Variants in IL16 observed in about 807,000 individuals in gnomAD.
IL16 encodes the protein pro-interleukin-16.
A neutral mutation model predicts 110.1 loss-of-function variants in IL16; 67 were observed. That is an observed-to-expected ratio of 0.61 (90% confidence interval 0.50 to 0.75). The LOEUF (loss-of-function observed/expected upper bound fraction) is 0.75, where lower values mean the gene tolerates loss of function less well. IL16 is among the 30% of genes least tolerant of loss of function. IL16 has a pLI of 0.00. For missense variants in IL16, 1,545 were observed against 1,655.0 expected (o/e 0.93, Z 1.15); for synonymous variants, 689 against 662.9 (o/e 1.04, Z -0.61).
intron 1 of IL16, among the ~76,000 whole-genome samples, chr15:81,221,358 T>A (rs893189192): frequency 6.6e-6 from 1 of 151,936 alleles, no homozygotes; most frequent in Non-Finnish European, 1.5e-5. Context: ...CTGGCAAGAG[T>A]TTGACAAGTC....
intron 2 of IL16, among the ~76,000 whole-genome samples, chr15:81,249,440 T>C (rs1015235838): frequency 6.6e-6 from 1 of 152,186 alleles, no homozygotes; most frequent in African/African-American, 2.4e-5. Context: ...AGACCTTTAT[T>C]TTACTCATTT....
chr15:81,186,330 C>T (rs572245361), intron 1 of IL16, among the ~76,000 whole-genome samples: 1 of 152,280 alleles, frequency 6.6e-6, no homozygotes, highest in East Asian at 1.9e-4. Context: ...TGAACCAAAA[C>T]AAGACACAGG....
intron 12 of IL16, among the ~76,000 whole-genome samples, chr15:81,294,019 G>A (rs187486077): frequency 2.2e-4 from 33 of 152,188 alleles, no homozygotes; most frequent in African/African-American, 7.5e-4. Flanking sequence ...CCCCCATCAC[G>A]GAATGGCCCT....
intron 2 of IL16, among the ~76,000 whole-genome samples, chr15:81,232,602 T>C (rs1897047520): frequency 6.6e-6 from 1 of 152,212 alleles, no homozygotes; most frequent in African/African-American, 2.4e-5. Flanking sequence ...TTTTCCTGCA[T>C]TTATTGAGAT....
intron 2 of IL16, among the ~76,000 whole-genome samples, chr15:81,239,273 G>A (rs956616534): frequency 6.6e-6 from 1 of 152,126 alleles, no homozygotes; most frequent in Non-Finnish European, 1.5e-5. Flanking sequence ...CTCTGTTTAG[G>A]ATTAGCATGT....
intron 13 of IL16, among the ~76,000 whole-genome samples, chr15:81,298,403 C>G (rs1051718828): frequency 2.0e-5 from 3 of 152,182 alleles, no homozygotes; most frequent in Non-Finnish European, 2.9e-5. Flanking sequence ...GCCAGGACAC[C>G]CTCTCCCTTA....
Position 81,303,512 on chromosome 15 carries a change from A to G in IL16, c.3319-37A>G, listed in dbSNP as rs1900398353. The G allele has an allele frequency of 2.3e-6, 3 of 1,326,068 alleles. No homozygotes were observed. Among genetic ancestry groups the G allele is most frequent in the African/African-American group, 1.4e-5 (1 of 69,566 alleles). The allele number at this position is 1,326,068 out of a possible 1,614,324, so 82.1% of individuals were successfully genotyped here. On this transcript the variant is annotated intron_variant, in intron 15 of 18. Coordinates refer to ENST00000683961, the MANE Select transcript of IL16 (RefSeq NM_172217.5). This position sits in a 1 kb window ranked among gnomAD's most constrained non-coding sequence, Gnocchi z 4.1. ...GATGTTAAATTGTTCATCCTCTTGC[A>G]GTAAAATGTTTTTGAATGTATGTAT...
At chr15:81,220,736 T>G (rs565143135) in intron 1 of IL16, among the ~76,000 whole-genome samples, 1 of 151,138 alleles carries the variant, frequency 6.6e-6, no homozygotes, top group South Asian at 2.1e-4. Context: ...CTCCGGTAGG[T>G]TAGCTTTGCC....
intron 7 of IL16, among the ~76,000 whole-genome samples, chr15:81,279,316 CATCT>C (rs1011953353): frequency 1.4e-4 from 22 of 152,028 alleles, no homozygotes; most frequent in Admixed American, 1.1e-3. Flanking sequence ...TCTATTCATC[CATCT>C]ATCTATCCTT....
chr15:81,246,013 G>T (rs564520546), intron 2 of IL16, among the ~76,000 whole-genome samples: 1 of 152,010 alleles, frequency 6.6e-6, no homozygotes, highest in African/African-American at 2.4e-5. Context: ...GTTCATTGTT[G>T]TTATATTCAG....
chr15:81,201,102 C>A (rs1027223525), intron 1 of IL16, among the ~76,000 whole-genome samples: 9 of 152,006 alleles, frequency 5.9e-5, no homozygotes, highest in African/African-American at 1.9e-4. Context: ...ACAATGCATC[C>A]CCTGCATTGA....
chr15:81,294,325 T>C (rs1246314508), intron 12 of IL16, among the ~76,000 whole-genome samples: 3 of 152,228 alleles, frequency 2.0e-5, no homozygotes, highest in Admixed American at 6.5e-5. Context: ...TCATTTTCCC[T>C]TGGGCCTGAG....
chr15:81,273,606 C>T (rs896765145), intron 6 of IL16, among the ~76,000 whole-genome samples: 1 of 152,168 alleles, frequency 6.6e-6, no homozygotes, highest in Non-Finnish European at 1.5e-5. Flanking sequence ...TCTCCCTGTC[C>T]TTCCTAACCC....
At chr15:81,202,066 T>C (rs1373376938) in intron 1 of IL16, among the ~76,000 whole-genome samples, 1 of 152,236 alleles carries the variant, frequency 6.6e-6, no homozygotes, top group African/African-American at 2.4e-5. Context: ...TAAAATGTCT[T>C]TTCCTACTTT....
chr15:81,231,611 A>T (rs992192185), intron 2 of IL16, among the ~76,000 whole-genome samples: 1 of 152,138 alleles, frequency 6.6e-6, no homozygotes, highest in African/African-American at 2.4e-5. Context: ...GCATTCCAGC[A>T]ATCCACTCAC....
intron 2 of IL16, among the ~76,000 whole-genome samples, chr15:81,231,326 C>G (rs1464663371): frequency 9.1e-5 from 6 of 65,988 alleles, no homozygotes; most frequent in Non-Finnish European, 1.5e-4. Context: ...GTCGGTCTGT[C>G]TCTCTCTCTC....
chr15:81,193,298 CT>C (rs953453626), upstream of IL16, among the ~76,000 whole-genome samples: 1 of 151,712 alleles, frequency 6.6e-6, no homozygotes, highest in Non-Finnish European at 1.5e-5. Context: ...GGCAGTGTTC[CT>C]TTTTTTTGCC....
chr15:81,257,742 A>G (rs1898000581), intron 2 of IL16, among the ~76,000 whole-genome samples: 1 of 152,206 alleles, frequency 6.6e-6, no homozygotes, highest in South Asian at 2.1e-4. Context: ...TTAACCAGGC[A>G]TTGCTAAGCC....
upstream of IL16, among the ~76,000 whole-genome samples, chr15:81,194,938 G>A (rs1410159872): frequency 2.6e-5 from 4 of 152,248 alleles, no homozygotes; most frequent in East Asian, 1.9e-4. Context: ...TAACCAGGGC[G>A]GGGCTCTCTC....
Sources: gnomAD v4.1 joint callset for allele counts (sites outside exome capture counted in the v4.1 genomes callset) on GRCh38, gnomAD v4.1.1 for gene constraint, Gnocchi (gnomAD v3.1) non-coding constraint, MANE v1.5 for transcripts, NCBI Gene and HGNC (gene_info 2026-07-23, HGNC 2026-07-21) for gene names.